The following VTCN1 variants were observed in gnomAD, a reference collection of about 807,000 sequenced individuals.
VTCN1 encodes the protein V-set domain containing T cell activation inhibitor 1, also known as V-set domain-containing T-cell activation inhibitor 1.
In VTCN1, 26 loss-of-function variants were observed where a neutral mutation model predicts 26.5. That is an observed-to-expected ratio of 0.98 (90% CI 0.72 to 1.36). The LOEUF (loss-of-function observed/expected upper bound fraction) is 1.36. Ranked by LOEUF, VTCN1 falls within the 40% of genes most tolerant of loss-of-function variation. The pLI, the probability that VTCN1 is intolerant of heterozygous loss-of-function variation, is 0.00. For synonymous variants in VTCN1, 116 were observed against 130.7 expected (o/e 0.89, Z 0.77); for missense variants, 298 against 337.7 (o/e 0.88, Z 0.92).
chr1:117,184,604 C>T (rs1054965842), intron 1 of VTCN1, among the ~76,000 whole-genome samples: 1 of 152,112 alleles, frequency 6.6e-6, no homozygotes. Flanking sequence ...ATACTTACAG[C>T]ATATTTCTGA....
chr1:117,198,363 T>C (rs1480854283), intron 1 of VTCN1, among the ~76,000 whole-genome samples: 7 of 152,206 alleles, frequency 4.6e-5, no homozygotes, highest in Admixed American at 4.6e-4. Context: ...TTAAAGGATC[T>C]CTCATGGGAA....
chr1:117,185,160 C>T (rs1337231960), intron 1 of VTCN1, among the ~76,000 whole-genome samples: 2 of 152,128 alleles, frequency 1.3e-5, no homozygotes, highest in African/African-American at 2.4e-5. Flanking sequence ...AGGGCAGAGA[C>T]ATTTTCTCAT....
chr1:117,187,483 G>A (rs530195234), intron 1 of VTCN1, among the ~76,000 whole-genome samples: 130 of 152,082 alleles, frequency 8.5e-4, no homozygotes, highest in Non-Finnish European at 1.6e-3. Context: ...GTGCATTTGT[G>A]AGATACACAG....
rs1041685330 is a variant in VTCN1, at chr1:117,146,455, A to T, written c.*45+1158T>A. On this transcript the variant is annotated intron_variant, in intron 5 of 5. Coordinates refer to ENST00000369458, the MANE Select transcript of VTCN1 (RefSeq NM_024626.4). This position sits in a 1 kb window ranked among gnomAD's most constrained non-coding sequence, Gnocchi z 4.2. ...ACTTAGCAATGTAGGCAAGGAATAC[A>T]TGTACCCTGGAGAGTGTAAGACATA... Among the ~76,000 whole-genome samples the T allele has an allele frequency of 3.3e-5, 5 of 152,230 alleles. No homozygotes were observed. Among genetic ancestry groups the T allele is most frequent in the Admixed American group, 2.0e-4 (3 of 15,288 alleles).
At chr1:117,178,391 G>T (rs1225385585) in intron 1 of VTCN1, among the ~76,000 whole-genome samples, 10 of 150,858 alleles carry the variant, frequency 6.6e-5, no homozygotes, top group Admixed American at 5.9e-4. Context: ...TGAGTAGCTG[G>T]GATTACAGGC....
At chr1:117,156,468 G>A (rs1375173991) in intron 3 of VTCN1, 106 bp downstream of exon 3, 9 of 1,209,324 alleles carry the variant, frequency 7.4e-6, no homozygotes, top group African/African-American at 3.1e-5. Flanking sequence ...AGAATTGGGA[G>A]CATCATTGTC....
At chr1:117,178,587 C>CTTTT (rs1647504273) in intron 1 of VTCN1, among the ~76,000 whole-genome samples, 5 of 43,294 alleles carry the variant, frequency 1.2e-4, no homozygotes, top group African/African-American at 1.5e-4. Context: ...TTCTTTCTTT[C>CTTTT]GTTTTTTTTT....
chr1:117,210,212 TCAG>T (rs71582595), intron 1 of VTCN1, among the ~76,000 whole-genome samples: 116 of 149,774 alleles, frequency 7.7e-4, no homozygotes, highest in African/African-American at 1.1e-3. Context: ...TCTGGGGAGT[TCAG>T]CAGCAGCAGC....
chr1:117,190,291 A>G (rs1648181418), intron 1 of VTCN1, among the ~76,000 whole-genome samples: 4 of 152,194 alleles, frequency 2.6e-5, no homozygotes, highest in Admixed American at 2.6e-4. Context: ...AGCATTTTTC[A>G]GGCTGTGGCC....
At chr1:117,184,697 G>C (rs779934620) in intron 1 of VTCN1, among the ~76,000 whole-genome samples, 3 of 152,112 alleles carry the variant, frequency 2.0e-5, no homozygotes, top group Admixed American at 6.5e-5. Flanking sequence ...TGTATGTAGC[G>C]TTGGGAGGAT....
At chr1:117,177,410 C>G (rs78974411) in intron 1 of VTCN1, among the ~76,000 whole-genome samples, 1 of 152,248 alleles carries the variant, frequency 6.6e-6, no homozygotes, top group East Asian at 1.9e-4. Context: ...TCAAGGCTGG[C>G]TTTGGTCCAG....
At chr1:117,166,654 CAAA>C (rs34933727) in intron 2 of VTCN1, among the ~76,000 whole-genome samples, 6 of 73,112 alleles carry the variant, frequency 8.2e-5, no homozygotes, top group Admixed American at 1.6e-4. Flanking sequence ...TACTCTGTCT[CAAA>C]AAAAAAAAAA....
intron 1 of VTCN1, among the ~76,000 whole-genome samples, chr1:117,205,544 C>A (rs978924857): frequency 6.6e-6 from 1 of 152,126 alleles, no homozygotes; most frequent in Non-Finnish European, 1.5e-5. Context: ...GCAACACAGA[C>A]CAACAATCCA....
chr1:117,171,265 T>C (rs1033410835), intron 1 of VTCN1, among the ~76,000 whole-genome samples: 2 of 152,210 alleles, frequency 1.3e-5, no homozygotes, highest in Admixed American at 1.3e-4. Flanking sequence ...GATGGACATT[T>C]GGGTTGGTTC....
At chr1:117,196,996 C>CT (rs1442236700) in intron 1 of VTCN1, among the ~76,000 whole-genome samples, 1 of 152,160 alleles carries the variant, frequency 6.6e-6, no homozygotes, top group African/African-American at 2.4e-5. Flanking sequence ...CAGCTCACTT[C>CT]TTTACAACTT....
intron 1 of VTCN1, among the ~76,000 whole-genome samples, chr1:117,171,061 T>A (rs1399700651): frequency 6.6e-6 from 1 of 151,522 alleles, no homozygotes; most frequent in Non-Finnish European, 1.5e-5. Flanking sequence ...TATCCATGTG[T>A]TCTCATTGTT....
chr1:117,149,266 A>G (rs1354026121), intron 4 of VTCN1, among the ~76,000 whole-genome samples: 4 of 150,530 alleles, frequency 2.7e-5, no homozygotes, highest in Admixed American at 6.6e-5. Flanking sequence ...TACTCCCCAC[A>G]CATATTGCTC....
rs759256540 is a variant in VTCN1, at chr1:117,147,778, C to A, written c.729G>T (p.Ser243=). 3.7e-6 allele frequency: 6 copies of A among 1,613,092 alleles called. No homozygotes were observed. The Admixed American group carries it at 1.0e-4, about 27-fold the overall frequency. Reference sequence around the variant, plus strand: ...GTAGGTGACTCCGCCTTTTGATCTCCGATTCTGTGAAGTGAGAGAAAAAGT... The same window carrying A: ...GTAGGTGACTCCGCCTTTTGATCTCAGATTCTGTGAAGTGAGAGAAAAAGT... ...KATGDIKVTE[S]EIKRRSHLQL... is the part of the protein sequence containing the mutation. The change falls in exon 5 of 6, where the codon TCG becomes TCT. Residue 243 remains serine, a synonymous_variant. Coordinates refer to ENST00000369458, the MANE Select transcript of VTCN1 (RefSeq NM_024626.4). This position sits in a 1 kb window ranked among gnomAD's most constrained non-coding sequence, Gnocchi z 4.6.
intron 4 of VTCN1, among the ~76,000 whole-genome samples, chr1:117,151,122 G>A (rs888175685): frequency 6.6e-6 from 1 of 151,984 alleles, no homozygotes; most frequent in African/African-American, 2.4e-5. Flanking sequence ...TCTTTTGAAG[G>A]CATACCCAGA....
Sources: gnomAD v4.1 joint callset for allele counts (sites outside exome capture counted in the v4.1 genomes callset) on GRCh38, gnomAD v4.1.1 for gene constraint, Gnocchi (gnomAD v3.1) non-coding constraint, MANE v1.5 for transcripts, NCBI Gene and HGNC (gene_info 2026-07-23, HGNC 2026-07-21) for gene names.